PXDNL: variants seen among roughly 807,000 people sequenced by gnomAD.
The protein encoded by PXDNL is probable oxidoreductase PXDNL.
PXDNL carries 145 observed loss-of-function variants against 150.8 expected under a neutral mutation model. That is an observed-to-expected ratio of 0.96 (90% confidence interval 0.84 to 1.10). The LOEUF (loss-of-function observed/expected upper bound fraction) is 1.10. Among genes scored for constraint, PXDNL ranks in the 50% least tolerant of loss-of-function variants. PXDNL has a pLI of 0.00. For synonymous variants in PXDNL, 757 were observed against 725.7 expected (o/e 1.04, Z -0.69); for missense variants, 2,087 against 1,873.9 (o/e 1.11, Z -2.10).
At chr8:51,457,198 T>TG (rs1809955091) in intron 9 of PXDNL, among the ~76,000 whole-genome samples, 2 of 152,200 alleles carry the variant, frequency 1.3e-5, no homozygotes, top group Non-Finnish European at 2.9e-5. Flanking sequence ...TTGAAAAGAG[T>TG]AATATTCCTG....
intron 1 of PXDNL, among the ~76,000 whole-genome samples, chr8:51,730,122 C>T (rs1816890395): frequency 6.6e-6 from 1 of 152,070 alleles, no homozygotes; most frequent in Non-Finnish European, 1.5e-5. Context: ...TAACTATGAA[C>T]TTTAAGTAAT....
At chr8:51,641,500 A>C (rs994463081) in intron 2 of PXDNL, among the ~76,000 whole-genome samples, 5 of 152,152 alleles carry the variant, frequency 3.3e-5, no homozygotes, top group African/African-American at 1.2e-4. Flanking sequence ...AACTCAAACA[A>C]ATTTACAAGA....
In PXDNL at chr8:51,606,306, A is replaced by G. The variant is rs1813836844; in HGVS notation, c.237-13608T>C. 2.6e-5 allele frequency among the ~76,000 whole-genome samples: 4 copies of G among 152,190 alleles called. No individual in the cohort carries two copies. The South Asian group carries it at 8.3e-4, about 32-fold the overall frequency. On this transcript the variant is annotated intron_variant, in intron 2 of 22. Coordinates refer to ENST00000356297, the MANE Select transcript of PXDNL (RefSeq NM_144651.5). ...GCTTTTATGATAACAAAACTAATGA[A>G]ACATGATTTTATCTCTCATCGTAGC... is the stretch of plus-strand genomic sequence containing the variant.
intron 1 of PXDNL, among the ~76,000 whole-genome samples, chr8:51,778,714 C>A (rs1281492302): frequency 1.3e-5 from 2 of 152,242 alleles, no homozygotes; most frequent in African/African-American, 4.8e-5. Context: ...CCAGCTCGTT[C>A]TTCTCTGCTT....
intron 3 of PXDNL, among the ~76,000 whole-genome samples, chr8:51,565,337 GA>G (rs1406045276): frequency 1.4e-5 from 2 of 147,970 alleles, no homozygotes; most frequent in African/African-American, 5.2e-5. Flanking sequence ...TAGATAGATA[GA>G]TAGATAAATA....
At chr8:51,354,167 C>T (rs982787934) in intron 19 of PXDNL, among the ~76,000 whole-genome samples, 6 of 152,080 alleles carry the variant, frequency 3.9e-5, no homozygotes, top group African/African-American at 1.4e-4. Context: ...TTTATGGGAA[C>T]ATATTTGAAA....
chr8:51,393,948 TG>T (rs1807992411), intron 17 of PXDNL, among the ~76,000 whole-genome samples: 1 of 152,222 alleles, frequency 6.6e-6, no homozygotes, highest in South Asian at 2.1e-4. Context: ...ATCTATTTTA[TG>T]GTAATTCATT....
At chr8:51,785,594 T>C (rs1175184927) in intron 1 of PXDNL, among the ~76,000 whole-genome samples, 2 of 152,228 alleles carry the variant, frequency 1.3e-5, no homozygotes, top group Admixed American at 1.3e-4. Context: ...ATATCTGTTA[T>C]AGTGGTCTGT....
intron 1 of PXDNL, among the ~76,000 whole-genome samples, chr8:51,707,962 T>G (rs952358415): frequency 5.9e-5 from 9 of 152,158 alleles, no homozygotes; most frequent in African/African-American, 2.2e-4. Context: ...ATTTTCTTTA[T>G]TCATTCAGAT....
chr8:51,627,444 A>C (rs1322661126), intron 2 of PXDNL, among the ~76,000 whole-genome samples: 5 of 152,244 alleles, frequency 3.3e-5, no homozygotes, highest in Non-Finnish European at 7.3e-5. Flanking sequence ...TACACATTGA[A>C]TATCAATTAT....
rs576183376 is a variant in PXDNL, at chr8:51,466,738, A to C, written c.812+5449T>G. ...CCTTATTAATAAGCAGGCGAACTAC[A>C]AGAACAGACACTTCCCACAGGAAGG... is the stretch of plus-strand genomic sequence containing the variant. On this transcript the variant is annotated intron_variant, in intron 8 of 22. Coordinates refer to ENST00000356297, the MANE Select transcript of PXDNL (RefSeq NM_144651.5). Among the ~76,000 whole-genome samples, 118 of 152,310 alleles carry C rather than the reference A, an allele frequency of 7.7e-4. 2 individuals are homozygous for C. Among genetic ancestry groups the C allele is most frequent in the African/African-American group, 2.7e-3 (114 of 41,588 alleles).
intron 4 of PXDNL, among the ~76,000 whole-genome samples, chr8:51,518,692 A>T (rs552521086): frequency 6.6e-6 from 1 of 152,338 alleles, no homozygotes; most frequent in African/African-American, 2.4e-5. Flanking sequence ...CTGACAGGTT[A>T]GATTACACTG....
rs1563481798 is a variant in PXDNL at position 51,608,059 on chromosome 8, AAGCAAGCAAGCAAGC to A, written c.237-15376_237-15362del. The stretch of plus-strand genomic sequence containing the variant: ...AAAGAAAGAAAGAAAGAAAGAAAGC[AAGCAAGCAAGCAAGC>A]AAGCAAGCAAGCAAGCAAGCAAGCA... On this transcript the variant is annotated intron_variant, in intron 2 of 22. Transcript: ENST00000356297. Among the ~76,000 whole-genome samples, 206 of 107,742 alleles carry A rather than the reference AAGCAAGCAAGCAAGC, an allele frequency of 1.9e-3. 2 individuals carry two copies. The highest frequency in any genetic ancestry group is 8.5e-3 in the East Asian group (32 of 3,784). 70.7% of individuals were successfully genotyped at this position (107,742 alleles called of 152,430 possible).
chr8:51,359,403 G>C (rs1052042332), intron 19 of PXDNL, among the ~76,000 whole-genome samples: 1 of 152,164 alleles, frequency 6.6e-6, no homozygotes, highest in Non-Finnish European at 1.5e-5. Context: ...AAAGGAGGTT[G>C]ATCTCTGTTG....
chr8:51,801,497 T>C (rs2037620157), intron 1 of PXDNL, among the ~76,000 whole-genome samples: 1 of 152,208 alleles, frequency 6.6e-6, no homozygotes, highest in African/African-American at 2.4e-5. Flanking sequence ...AAAAACCTGC[T>C]GGTTTTGTGG....
chr8:51,511,577 C>T (rs1006649320), intron 4 of PXDNL, among the ~76,000 whole-genome samples: 1 of 152,142 alleles, frequency 6.6e-6, no homozygotes, highest in African/African-American at 2.4e-5. Context: ...CAGAGATATG[C>T]AGGGCCTGGA....
chr8:51,551,820 T>C (rs1812492963), intron 4 of PXDNL, among the ~76,000 whole-genome samples: 1 of 151,980 alleles, frequency 6.6e-6, no homozygotes, highest in Non-Finnish European at 1.5e-5. Flanking sequence ...CAAAGATAAA[T>C]AGATGGGACT....
At chr8:51,798,128 A>G (rs1395993526) in intron 1 of PXDNL, among the ~76,000 whole-genome samples, 3 of 152,234 alleles carry the variant, frequency 2.0e-5, no homozygotes, top group African/African-American at 7.2e-5. Context: ...AGCCATATGC[A>G]GAAAATTGAA....
chr8:51,527,135 G>A (rs1319079495), intron 4 of PXDNL, among the ~76,000 whole-genome samples: 3 of 152,096 alleles, frequency 2.0e-5, no homozygotes, highest in Non-Finnish European at 2.9e-5. Context: ...TTCTTGAAGA[G>A]TTGCCAGAAT....
Sources: allele counts gnomAD v4.1 joint callset (sites outside exome capture counted in the v4.1 genomes callset), GRCh38; gene constraint gnomAD v4.1.1; transcripts MANE v1.5; gene names NCBI Gene and HGNC (gene_info 2026-07-23, HGNC 2026-07-21).